The following PRSS58 variants were observed in gnomAD, a reference collection of about 807,000 sequenced individuals.
PRSS58 encodes the protein protease, serine 58.
PRSS58 carries 31 observed loss-of-function variants against 25.0 expected under a neutral mutation model. The ratio of observed to expected loss-of-function variants is 1.24; its 90% CI spans 0.93 to 1.67. The LOEUF (loss-of-function observed/expected upper bound fraction) is 1.67, where lower values mean the gene tolerates loss of function less well. Ranked by LOEUF, PRSS58 falls within the 40% of genes most tolerant of loss-of-function variation. The pLI is 0.00. For missense variants in PRSS58, 324 were observed against 287.9 expected, an observed-to-expected ratio of 1.13 and a Z score of -0.91; for synonymous variants, 119 against 106.1, an observed-to-expected ratio of 1.12 and a Z score of -0.75.
rs545023105 is a variant in PRSS58, at chr7:142,254,606, A to G, written c.436+449T>C. On this transcript the variant is annotated intron_variant, in intron 4 of 5. Transcript: ENST00000547058. ...TTAAAATCTTACATAAGGAAGTTCT[A>G]TCGCATTTAGTAAAATATTATATAT... Among the ~76,000 whole-genome samples, 7 of 152,304 alleles carry G rather than the reference A, an allele frequency of 4.6e-5. No individual in the cohort carries two copies. In the East Asian group the frequency reaches 1.3e-3, roughly 29 times the overall value.
chr7:142,252,342 T>C lies in PRSS58; in HGVS notation c.605A>G (p.Asn202Ser). Reference sequence around the variant, plus strand: ...AGACAGGATTCCTTGAAGCATCCCATTGCAGATTGCCGGGGCAGCAGAAAC... The same window carrying C: ...AGACAGGATTCCTTGAAGCATCCCACTGCAGATTGCCGGGGCAGCAGAAAC... ...KEVSAAPAICNGMLQGILSFA... is the reference protein window; with the variant it reads ...KEVSAAPAICSGMLQGILSFA... Residue 202 changes from asparagine (N) to serine (S), a missense_variant, in exon 6 of 6, where the codon AAT (asparagine) becomes AGT (serine). Transcript: ENST00000547058. 1 of 1,614,000 alleles carries C rather than the reference T, an allele frequency of 6.2e-7. No individual in the cohort carries two copies. Among genetic ancestry groups the C allele is most frequent in the African/African-American group, 1.3e-5 (1 of 75,030 alleles).
chr7:142,257,069 A>T (rs1036274259), intron 2 of PRSS58, among the ~76,000 whole-genome samples: 4 of 152,112 alleles, frequency 2.6e-5, no homozygotes, highest in Non-Finnish European at 5.9e-5. Context: ...TGTGCAAAGG[A>T]GTGATGACAG....
At chr7:142,254,886 T>TAA (rs11415916) in intron 4 of PRSS58, among the ~76,000 whole-genome samples, 169 bp downstream of exon 4, 19 of 151,390 alleles carry the variant, frequency 1.3e-4, no homozygotes, top group South Asian at 4.2e-4. Flanking sequence ...AGCGGGTGAA[T>TAA]AAAAAAAACC....
chr7:142,252,354 G>A lies in PRSS58; in HGVS notation c.593C>T (p.Pro198Leu), dbSNP rs760822493. Residue 198 changes from proline (P) to leucine (L), a missense_variant, in exon 6 of 6, where the codon CCG becomes CTG. Pro to Leu is a moderately conservative substitution (Grantham distance 98). Coordinates refer to ENST00000547058, the MANE Select transcript of PRSS58 (RefSeq NM_001001317.5). Reference sequence around the variant, plus strand: ...TTGAAGCATCCCATTGCAGATTGCCGGGGCAGCAGAAACTTCCTGCCAGGA... The same window carrying A: ...TTGAAGCATCCCATTGCAGATTGCCAGGGCAGCAGAAACTTCCTGCCAGGA... ...RQPCKEVSAAPAICNGMLQGI... is the reference protein window; with the variant it reads ...RQPCKEVSAALAICNGMLQGI... The A allele has an allele frequency of 2.2e-5, 36 of 1,613,338 alleles. No individual in the cohort carries two copies. Among genetic ancestry groups the A allele is most frequent in the South Asian group, 2.2e-4 (20 of 90,886 alleles).
At position 142,252,316 on chromosome 7, in the gene PRSS58, A is replaced by C; in HGVS notation, c.631T>G (p.Phe211Val). ...GCTCTCAAAACACATCCATCCGCAAAAGACAGGATTCCTTGAAGCATCCCA... is the reference window on the plus strand; with the variant it reads ...GCTCTCAAAACACATCCATCCGCAACAGACAGGATTCCTTGAAGCATCCCA... ...CNGMLQGILS[F>V]ADGCVLRADV... is the part of the protein sequence containing the mutation. Residue 211 changes from phenylalanine to valine, a missense_variant, in exon 6 of 6, where the codon TTT becomes GTT. Coordinates refer to ENST00000547058, the MANE Select transcript of PRSS58 (RefSeq NM_001001317.5). 6.2e-7 allele frequency: 1 copy of C among 1,614,166 alleles called. No homozygotes were observed.
rs775904047 is a variant in PRSS58, at chr7:142,252,209, A to G, written c.*12T>C. On this transcript the variant is annotated 3_prime_UTR_variant, in exon 6 of 6. Transcript: ENST00000547058. The stretch of plus-strand genomic sequence containing the variant: ...GGACAAGCTGTGTCATATGGTCCAC[A>G]ACTGCCACAGCTCAGTTATTTTGGA... 6.2e-7 allele frequency: 1 copy of G among 1,606,766 alleles called. No homozygotes were observed. The highest frequency in any genetic ancestry group is 1.7e-4 in the Middle Eastern group (1 of 6,022).
In PRSS58 at chr7:142,255,187, T is replaced by C. The variant is rs1382057626; in HGVS notation, c.304A>G (p.Ile102Val). The change falls in exon 4 of 6, where the codon ATC becomes GTC. Residue 102 changes from isoleucine to valine, a missense_variant. By Grantham distance (29) the Ile-to-Val change is conservative. Transcript: ENST00000547058. ...TCTGTTTTCAGCTTGATTAGCATGATGTCATGATCAATAGAAGTGACTGAG... is the reference window on the plus strand; with the variant it reads ...TCTGTTTTCAGCTTGATTAGCATGACGTCATGATCAATAGAAGTGACTGAG... ...HFSVTSIDHD[I>V]MLIKLKTEAE... is the part of the protein sequence containing the mutation. 6.2e-7 allele frequency: 1 copy of C among 1,614,050 alleles called. No individual in the cohort carries two copies. The highest frequency in any genetic ancestry group is 8.5e-7 in the Non-Finnish European group (1 of 1,180,036).
At chr7:142,255,333 T>C in intron 3 of PRSS58, 22 bp from the exon 4 acceptor site, 1 of 1,609,618 alleles carries the variant, frequency 6.2e-7, no homozygotes, top group Non-Finnish European at 8.5e-7. Flanking sequence ...TAGACGTTTA[T>C]GAGAGGACTT....
intron 4 of PRSS58, among the ~76,000 whole-genome samples, chr7:142,253,259 G>T (rs918658682): frequency 6.6e-6 from 1 of 152,192 alleles, no homozygotes; most frequent in African/African-American, 2.4e-5. Context: ...GAGTTTGAAT[G>T]AATTTACAGA....
chr7:142,257,689 A>G lies in PRSS58; in HGVS notation c.19T>C (p.Trp7Arg), dbSNP rs367555852. MKFILL[W>R]ALLNLTVALA... is the part of the protein sequence containing the mutation. ...TCACCAGTCAGATTCAAGAGAGCCCAGAGGAGGATAAACTTCATGATGATG... is the reference window on the plus strand; with the variant it reads ...TCACCAGTCAGATTCAAGAGAGCCCGGAGGAGGATAAACTTCATGATGATG... Residue 7 changes from tryptophan to arginine, a missense_variant, in exon 2 of 6, where the codon TGG (tryptophan) becomes CGG (arginine). Physicochemically the swap from Trp to Arg is moderately radical, Grantham distance 101 (BLOSUM62 -3). Transcript: ENST00000547058. 6.2e-7 allele frequency: 1 copy of G among 1,613,224 alleles called. No homozygotes were observed. The highest frequency in any genetic ancestry group is 8.5e-7 in the Non-Finnish European group (1 of 1,179,348).
rs551119580 is a variant in PRSS58, at chr7:142,257,262, A to C, written c.40+406T>G. On this transcript the variant is annotated intron_variant, in intron 2 of 5. Transcript: ENST00000547058. Reference sequence around the variant, plus strand: ...AGCCAACATTTTTCTAAGAGATCAAACGTGGGGTATGAGAGAAAGAGAGGA... The same window carrying C: ...AGCCAACATTTTTCTAAGAGATCAACCGTGGGGTATGAGAGAAAGAGAGGA... Among the ~76,000 whole-genome samples the C allele has an allele frequency of 1.6e-4, 25 of 152,304 alleles. No individual in the cohort carries two copies. In the South Asian group the frequency reaches 4.6e-3, roughly 28 times the overall value.
chr7:142,255,413 G>A (rs765022878), intron 3 of PRSS58, 102 bp from the exon 4 acceptor site: 81 of 1,576,394 alleles, frequency 5.1e-5, no homozygotes, highest in African/African-American at 2.7e-5. Flanking sequence ...CTGTACCCTC[G>A]TATGTCTCCC....
chr7:142,252,851 G>A (rs1020374123), intron 4 of PRSS58, among the ~76,000 whole-genome samples: 1 of 152,196 alleles, frequency 6.6e-6, no homozygotes, highest in African/African-American at 2.4e-5. Context: ...ATGTACATGT[G>A]AGACACTCCA....
In PRSS58 at chr7:142,252,274, C is replaced by T. The variant is rs572297660; in HGVS notation, c.673G>A (p.Ala225Thr). The change falls in exon 6 of 6, where the codon GCC becomes ACC. Residue 225 changes from alanine (A) to threonine (T), a missense_variant. Coordinates refer to ENST00000547058, the MANE Select transcript of PRSS58 (RefSeq NM_001001317.5). ...CVLRADVGIY[A>T]KIFYYIPWIE... ...CAGGGTATATAGTAAAAAATTTTGG[C>T]ATAGATGCCAACATCAGCTCTCAAA... The T allele has an allele frequency of 4.5e-4, 731 of 1,614,056 alleles. 11 individuals carry two copies. The South Asian group carries it at 7.6e-3, about 17-fold the overall frequency.
rs976594147 is a variant in PRSS58 at position 142,255,050 on chromosome 7, C to T, written c.436+5G>A. 1.2e-6 allele frequency: 2 copies of T among 1,613,548 alleles called. No homozygotes were observed. Among genetic ancestry groups the T allele is most frequent in the Admixed American group, 1.7e-5 (1 of 60,010 alleles). ...TCTGAGAGAAGAACATTGTCTTGAACTCACAGATATCACACACATTGTAGC... is the reference window on the plus strand; with the variant it reads ...TCTGAGAGAAGAACATTGTCTTGAATTCACAGATATCACACACATTGTAGC... On this transcript the variant is annotated splice_donor_5th_base_variant and intron_variant, in intron 4 of 5. Coordinates refer to ENST00000547058, the MANE Select transcript of PRSS58 (RefSeq NM_001001317.5).
At position 142,255,158 on chromosome 7, in the gene PRSS58, A is replaced by C. The variant is rs377186087; in HGVS notation, c.333T>G (p.Ala111=). ...CTAATTTCACATAGTCATTGAGTTCAGCCTCTGTTTTCAGCTTGATTAGCA... is the reference window on the plus strand; with the variant it reads ...CTAATTTCACATAGTCATTGAGTTCCGCCTCTGTTTTCAGCTTGATTAGCA... ...DIMLIKLKTE[A]ELNDYVKLAN... The change falls in exon 4 of 6, where the codon GCT becomes GCG. Residue 111 remains alanine (A), a synonymous_variant. Transcript: ENST00000547058. 38 of 1,614,044 alleles carry C rather than the reference A, an allele frequency of 2.4e-5. No homozygotes were observed. In the African/African-American group the frequency reaches 4.7e-4, roughly 20 times the overall value.
intron 4 of PRSS58, among the ~76,000 whole-genome samples, chr7:142,254,418 A>G (rs1247026149): frequency 6.6e-6 from 1 of 152,186 alleles, no homozygotes; most frequent in East Asian, 1.9e-4. Context: ...TAGATAGACT[A>G]TCTAGTTCAG....
chr7:142,253,632 G>C (rs1547389), intron 4 of PRSS58, among the ~76,000 whole-genome samples: 1 of 151,798 alleles, frequency 6.6e-6, no homozygotes, highest in African/African-American at 2.4e-5. Context: ...GTTTTTATTT[G>C]AAAATAATGT....
intron 4 of PRSS58, among the ~76,000 whole-genome samples, chr7:142,253,636 A>G (rs1216593965): frequency 3.3e-5 from 5 of 152,076 alleles, no homozygotes; most frequent in African/African-American, 4.8e-5. Context: ...TTATTTGAAA[A>G]TAATGTATTA....
Sources: allele counts gnomAD v4.1 joint callset (sites outside exome capture counted in the v4.1 genomes callset), GRCh38; gene constraint gnomAD v4.1.1; transcripts MANE v1.5; gene names NCBI Gene and HGNC (gene_info 2026-07-23, HGNC 2026-07-21).